Variants in CDKAL1 observed in about 807,000 individuals in gnomAD.
The protein encoded by CDKAL1 is CDKAL1 threonylcarbamoyladenosine tRNA methylthiotransferase, also known as threonylcarbamoyladenosine tRNA methylthiotransferase.
In CDKAL1, 32 loss-of-function variants were observed where a neutral mutation model predicts 68.2. The observed-to-expected ratio is 0.47, with a 90% confidence interval of 0.35 to 0.63. The LOEUF (loss-of-function observed/expected upper bound fraction) is 0.63. Among genes scored for constraint, CDKAL1 ranks in the 30% least tolerant of loss-of-function variants. The pLI is 0.00. For missense variants in CDKAL1, 606 were observed against 696.7 expected (o/e 0.87, Z 1.47); for synonymous variants, 234 against 244.3 (o/e 0.96, Z 0.39).
rs917903974 is a variant in CDKAL1, at chr6:20,606,512, A to G, written c.287-42781A>G. ...ATTGAGAAGTCCGGGAGTAGAGTTT[A>G]TCTCAACACCAAAAGAATCATTTTT... On this transcript the variant is annotated intron_variant, in intron 4 of 15. Coordinates refer to ENST00000274695, the MANE Select transcript of CDKAL1 (RefSeq NM_017774.3). 4.6e-5 allele frequency among the ~76,000 whole-genome samples: 7 copies of G among 152,230 alleles called. No homozygotes were observed. In the South Asian group the frequency reaches 6.2e-4, roughly 13 times the overall value.
chr6:20,793,019 G>A (rs778155646), intron 8 of CDKAL1, among the ~76,000 whole-genome samples: 1 of 152,194 alleles, frequency 6.6e-6, no homozygotes, highest in Admixed American at 6.5e-5. Flanking sequence ...TACAATAATG[G>A]TGTACAACAT....
At chr6:20,836,545 C>G (rs1285471748) in intron 8 of CDKAL1, among the ~76,000 whole-genome samples, 1 of 152,156 alleles carries the variant, frequency 6.6e-6, no homozygotes, top group Non-Finnish European at 1.5e-5. Context: ...TCAGCTGGCA[C>G]ATTCCTTGCT....
At chr6:21,191,906 C>T (rs149033811) in intron 13 of CDKAL1, among the ~76,000 whole-genome samples, 2 of 146,980 alleles carry the variant, frequency 1.4e-5, no homozygotes, top group African/African-American at 5.1e-5. Flanking sequence ...CTTGTAGAGA[C>T]GTTTCCTGCG....
chr6:20,599,724 C>G (rs1241094111), intron 4 of CDKAL1, among the ~76,000 whole-genome samples: 1 of 152,126 alleles, frequency 6.6e-6, no homozygotes, highest in Non-Finnish European at 1.5e-5. Flanking sequence ...CATATTGGAT[C>G]TAGACCTATG....
chr6:20,812,780 C>T (rs1776876962), intron 8 of CDKAL1, among the ~76,000 whole-genome samples: 4 of 152,040 alleles, frequency 2.6e-5, no homozygotes. Context: ...TTTGTTTATT[C>T]GTTTACCTGT....
At chr6:21,002,731 G>C (rs1416744779) in intron 11 of CDKAL1, among the ~76,000 whole-genome samples, 3 of 151,800 alleles carry the variant, frequency 2.0e-5, no homozygotes, top group Non-Finnish European at 4.4e-5. Flanking sequence ...CTCACACCTG[G>C]AATCCTAGTA....
At chr6:20,655,907 T>G (rs1434262962) in intron 5 of CDKAL1, among the ~76,000 whole-genome samples, 2 of 152,198 alleles carry the variant, frequency 1.3e-5, no homozygotes, top group Admixed American at 6.5e-5. Flanking sequence ...AGATAAATAT[T>G]TTAATAAGAT....
At chr6:20,643,513 C>T (rs534465646) in intron 4 of CDKAL1, among the ~76,000 whole-genome samples, 1 of 152,262 alleles carries the variant, frequency 6.6e-6, no homozygotes, top group Non-Finnish European at 1.5e-5. Flanking sequence ...TGGTGTTTCT[C>T]GTAGTTGATG....
rs987849825 is a variant in CDKAL1, at chr6:20,539,947, T to TG, written c.-6+4555dup. 3.6e-4 allele frequency among the ~76,000 whole-genome samples: 55 copies of TG among 152,300 alleles called. No individual in the cohort carries two copies. Among genetic ancestry groups the TG allele is most frequent in the African/African-American group, 1.3e-3 (54 of 41,566 alleles). On this transcript the variant is annotated intron_variant, in intron 2 of 15. Transcript: ENST00000274695. The surrounding 1 kb of genome is among the most constrained non-coding windows in gnomAD (Gnocchi z 4.3). The stretch of plus-strand genomic sequence containing the variant: ...TGGACCAAGAGTGTAACAGTGGGTA[T>TG]GGTCACAAATAGATTCTGAATATAT...
chr6:20,665,745 T>C (rs1769507433), intron 5 of CDKAL1, among the ~76,000 whole-genome samples: 3 of 151,994 alleles, frequency 2.0e-5, no homozygotes, highest in African/African-American at 4.8e-5. Context: ...AACTGTCGAA[T>C]GAAACAATTT....
At chr6:21,146,892 T>C (rs2151043184) in intron 13 of CDKAL1, among the ~76,000 whole-genome samples, 1 of 152,166 alleles carries the variant, frequency 6.6e-6, no homozygotes, top group South Asian at 2.1e-4. Flanking sequence ...GAGTTTACCT[T>C]TCTATCCAAG....
chr6:21,013,834 G>A (rs1463508324), intron 11 of CDKAL1, among the ~76,000 whole-genome samples: 1 of 152,084 alleles, frequency 6.6e-6, no homozygotes, highest in Non-Finnish European at 1.5e-5. Flanking sequence ...GGCTGTCAAT[G>A]ACCAAAAACA....
At chr6:20,603,427 C>T (rs1450783270) in intron 4 of CDKAL1, among the ~76,000 whole-genome samples, 4 of 152,316 alleles carry the variant, frequency 2.6e-5, no homozygotes, top group East Asian at 3.9e-4. Flanking sequence ...GTAAGTTAAA[C>T]GAGCTGGTGG....
At chr6:20,951,609 T>C (rs2150719335) in intron 9 of CDKAL1, among the ~76,000 whole-genome samples, 1 of 152,314 alleles carries the variant, frequency 6.6e-6, no homozygotes, top group South Asian at 2.1e-4. Flanking sequence ...ACTTAAGGCT[T>C]TTTTCCTGTA....
At chr6:21,104,038 T>G (rs909045364) in intron 12 of CDKAL1, among the ~76,000 whole-genome samples, 1 of 152,216 alleles carries the variant, frequency 6.6e-6, no homozygotes, top group Admixed American at 6.5e-5. Flanking sequence ...ATAATGGCCG[T>G]GTTTTAGTTA....
chr6:21,072,638 G>A (rs1309122673), intron 12 of CDKAL1, among the ~76,000 whole-genome samples: 6 of 135,062 alleles, frequency 4.4e-5, no homozygotes, highest in East Asian at 4.3e-4. Context: ...TCTTCCTCAC[G>A]TTTTAGACTT....
intron 9 of CDKAL1, among the ~76,000 whole-genome samples, chr6:20,953,263 C>T (rs1321085446): frequency 6.6e-6 from 1 of 152,192 alleles, no homozygotes; most frequent in Non-Finnish European, 1.5e-5. Flanking sequence ...GAGCTGGCTG[C>T]TGTTTCTCTA....
At chr6:20,916,881 C>CA (rs1303888194) in intron 9 of CDKAL1, among the ~76,000 whole-genome samples, 3 of 151,512 alleles carry the variant, frequency 2.0e-5, no homozygotes, top group Admixed American at 6.6e-5. Context: ...AAAACAATAA[C>CA]AAAAAAAGAC....
intron 5 of CDKAL1, among the ~76,000 whole-genome samples, chr6:20,730,859 AAAG>A (rs2127861455): frequency 6.6e-6 from 1 of 151,444 alleles, no homozygotes; most frequent in Non-Finnish European, 1.5e-5. Flanking sequence ...AAAAAAAAAA[AAAG>A]AGAGAAGGAG....
Sources: gnomAD v4.1 joint callset for allele counts (sites outside exome capture counted in the v4.1 genomes callset) on GRCh38, gnomAD v4.1.1 for gene constraint, Gnocchi (gnomAD v3.1) non-coding constraint, MANE v1.5 for transcripts, NCBI Gene and HGNC (gene_info 2026-07-23, HGNC 2026-07-21) for gene names.